The following MAP6 variants were observed in gnomAD, a reference collection of about 807,000 sequenced individuals.
MAP6 encodes microtubule associated protein 6.
In MAP6, 26 loss-of-function variants were observed where a neutral mutation model predicts 42.4. That is an observed-to-expected ratio of 0.61 (90% CI 0.45 to 0.85). MAP6 has a LOEUF of 0.85. Among genes scored for constraint, MAP6 ranks in the 40% least tolerant of loss-of-function variants. The pLI, the probability that MAP6 is intolerant of heterozygous loss-of-function variation, is 0.00. For missense variants in MAP6, 966 were observed against 1,099.0 expected (o/e 0.88, Z 1.71); for synonymous variants, 418 against 443.8 (o/e 0.94, Z 0.73).
chr11:75,607,459 A>G, intron 2 of MAP6: 1 of 985,454 alleles, frequency 1.0e-6, no homozygotes. Flanking sequence ...CCTGATCACG[A>G]ACTCCTATGT....
intron 3 of MAP6, among the ~76,000 whole-genome samples, chr11:75,592,059 A>G (rs1189326036): frequency 2.0e-5 from 3 of 152,206 alleles, no homozygotes; most frequent in African/African-American, 7.2e-5. Flanking sequence ...TTTTCCCTGC[A>G]TCATCCTCTC....
At chr11:75,626,483 C>T (rs1047784634) in intron 1 of MAP6, among the ~76,000 whole-genome samples, 4 of 152,078 alleles carry the variant, frequency 2.6e-5, no homozygotes, top group Non-Finnish European at 5.9e-5. Flanking sequence ...TGACTCAGAC[C>T]ACTTTGGGGC....
chr11:75,633,312 T>C (rs1261884790), intron 1 of MAP6, among the ~76,000 whole-genome samples: 1 of 152,210 alleles, frequency 6.6e-6, no homozygotes. Flanking sequence ...AACTTGAAAA[T>C]AAATCTCACT....
chr11:75,619,627 G>C lies in MAP6; in HGVS notation c.906-11305C>G, dbSNP rs919780421. Among the ~76,000 whole-genome samples the C allele has an allele frequency of 5.9e-5, 9 of 152,238 alleles. No homozygotes were observed. In the South Asian group the frequency reaches 1.9e-3, roughly 32 times the overall value. On this transcript the variant is annotated intron_variant, in intron 1 of 3. Transcript: ENST00000304771. Reference sequence around the variant, plus strand: ...GCAGTATTTGGTTTTCTGTTTGTGAGTTAGTTTGCTAAGGATAATGGCCTC... The same window carrying C: ...GCAGTATTTGGTTTTCTGTTTGTGACTTAGTTTGCTAAGGATAATGGCCTC...
At chr11:75,662,162 T>C (rs1292721550) in intron 1 of MAP6, among the ~76,000 whole-genome samples, 1 of 152,158 alleles carries the variant, frequency 6.6e-6, no homozygotes, top group Admixed American at 6.5e-5. Flanking sequence ...GACCCTTATG[T>C]GATAGAGGAG....
intron 3 of MAP6, among the ~76,000 whole-genome samples, chr11:75,601,984 G>A (rs1942671355): frequency 6.6e-6 from 1 of 151,900 alleles, no homozygotes. Context: ...TGTGATCAGA[G>A]GCGGGGTCTC....
At chr11:75,614,193 CTCA>C (rs2135599006) in intron 1 of MAP6, among the ~76,000 whole-genome samples, 1 of 152,284 alleles carries the variant, frequency 6.6e-6, no homozygotes, top group South Asian at 2.1e-4. Context: ...CCATGTAAGT[CTCA>C]TCATGTCTAC....
At chr11:75,615,397 T>A (rs943590993) in intron 1 of MAP6, among the ~76,000 whole-genome samples, 2 of 152,218 alleles carry the variant, frequency 1.3e-5, no homozygotes, top group African/African-American at 4.8e-5. Context: ...TCAGAAGAAT[T>A]ACAAAGCCCA....
chr11:75,627,556 C>T (rs931261412), intron 1 of MAP6, among the ~76,000 whole-genome samples: 3 of 152,084 alleles, frequency 2.0e-5, no homozygotes, highest in Admixed American at 1.3e-4. Flanking sequence ...ACAAGGGGAC[C>T]GTCACAGTGA....
chr11:75,615,560 C>T (rs1442250155), intron 1 of MAP6, among the ~76,000 whole-genome samples: 1 of 151,908 alleles, frequency 6.6e-6, no homozygotes, highest in African/African-American at 2.4e-5. Flanking sequence ...ACCTTGTTGT[C>T]AGGTGGGGAG....
In MAP6 at chr11:75,667,636, G is replaced by A. The variant is rs1230368708; in HGVS notation, c.734C>T (p.Ala245Val). ...ERDTRRKAGPAWIVRRAEGLG... is the reference protein window; with the variant it reads ...ERDTRRKAGPVWIVRRAEGLG... The stretch of plus-strand genomic sequence containing the variant: ...GCCCTCGGCGCGGCGCACAATCCAG[G>A]CAGGCCCGGCCTTCCTGCGCGTGTC... Residue 245 changes from alanine to valine, a missense_variant, in exon 1 of 4, where the codon GCC (alanine) becomes GTC (valine). Physicochemically the swap from Ala to Val is moderately conservative, Grantham distance 64 (BLOSUM62 0). This residue lies in a region of MAP6 where 943 missense variants were observed against 1,049.9 expected (regional missense o/e 0.90). Transcript: ENST00000304771. The surrounding 1 kb of genome is among the most constrained non-coding windows in gnomAD (Gnocchi z 5.6). 7.9e-7 allele frequency: 1 copy of A among 1,273,292 alleles called. No homozygotes were observed. Among genetic ancestry groups the A allele is most frequent in the Middle Eastern group, 3.0e-4 (1 of 3,298 alleles). 78.9% of individuals were successfully genotyped at this position (1,273,292 alleles called of 1,614,324 possible). A position where few individuals can be genotyped will look rare whatever the true frequency, so the allele number is the denominator to read the frequency against.
intron 1 of MAP6, among the ~76,000 whole-genome samples, chr11:75,644,897 G>C (rs985141757): frequency 2.6e-5 from 4 of 152,102 alleles, no homozygotes; most frequent in African/African-American, 9.7e-5. Flanking sequence ...TCATAGATGA[G>C]CTCCAAAGAA....
intron 3 of MAP6, among the ~76,000 whole-genome samples, chr11:75,597,805 C>T (rs541773608): frequency 5.6e-4 from 86 of 152,222 alleles, no homozygotes; most frequent in Admixed American, 3.7e-3. Context: ...GGCTGGGGGA[C>T]GGGAAGAGGC....
chr11:75,657,606 C>T (rs1590809422), intron 1 of MAP6, among the ~76,000 whole-genome samples: 1 of 152,348 alleles, frequency 6.6e-6, no homozygotes, highest in East Asian at 1.9e-4. Flanking sequence ...CAAATTACCA[C>T]AAACAGAATG....
chr11:75,663,090 TA>T (rs1943883741), intron 1 of MAP6, among the ~76,000 whole-genome samples: 1 of 151,422 alleles, frequency 6.6e-6, no homozygotes, highest in South Asian at 2.1e-4. Flanking sequence ...GCCTCCTGAG[TA>T]GCTGGGATTA....
intron 1 of MAP6, among the ~76,000 whole-genome samples, chr11:75,635,709 A>T (rs1943357238): frequency 1.3e-5 from 2 of 152,326 alleles, no homozygotes; most frequent in African/African-American, 4.8e-5. Flanking sequence ...CGTGAGCCAT[A>T]TCAGAACATC....
chr11:75,615,234 T>C (rs1160182362), intron 1 of MAP6, among the ~76,000 whole-genome samples: 1 of 152,156 alleles, frequency 6.6e-6, no homozygotes, highest in Non-Finnish European at 1.5e-5. Flanking sequence ...CCATCCTAGC[T>C]CTAACCCATG....
At chr11:75,628,449 T>C (rs114590850) in intron 1 of MAP6, among the ~76,000 whole-genome samples, 1,624 of 152,256 alleles carry the variant, frequency 0.011, 27 homozygotes, top group African/African-American at 0.037. Flanking sequence ...GCCACACGGG[T>C]CCAAGCGAGA....
chr11:75,618,691 C>T (rs960897379), intron 1 of MAP6, among the ~76,000 whole-genome samples: 3 of 152,188 alleles, frequency 2.0e-5, no homozygotes, highest in African/African-American at 2.4e-5. Flanking sequence ...CCCACACCAC[C>T]GGGTACTGAG....
Sources: gnomAD v4.1 joint callset for allele counts (sites outside exome capture counted in the v4.1 genomes callset) on GRCh38, gnomAD v4.1.1 for gene constraint, gnomAD v4.1.1 regional missense constraint, Gnocchi (gnomAD v3.1) non-coding constraint, MANE v1.5 for transcripts, NCBI Gene and HGNC (gene_info 2026-07-23, HGNC 2026-07-21) for gene names.